Variants in KIAA0825 observed in about 807,000 individuals in gnomAD.
KIAA0825 encodes the protein KIAA0825.
In KIAA0825, 119 loss-of-function variants were observed where a neutral mutation model predicts 147.6. That is an observed-to-expected ratio of 0.81 (90% CI 0.69 to 0.94). The LOEUF (loss-of-function observed/expected upper bound fraction) is 0.94, where lower values mean the gene tolerates loss of function less well. KIAA0825 is among the 40% of genes least tolerant of loss of function. KIAA0825 has a pLI of 0.00. For missense variants in KIAA0825, 1,381 were observed against 1,472.7 expected, an observed-to-expected ratio of 0.94 and a Z score of 1.02; for synonymous variants, 470 against 518.1, an observed-to-expected ratio of 0.91 and a Z score of 1.26.
intron 20 of KIAA0825, among the ~76,000 whole-genome samples, chr5:94,186,797 G>A (rs944352232): frequency 1.3e-5 from 2 of 152,180 alleles, no homozygotes; most frequent in African/African-American, 4.8e-5. Context: ...GTGTTGTGAG[G>A]GAAGTAGGAG....
intron 2 of KIAA0825, among the ~76,000 whole-genome samples, chr5:94,565,036 C>CCTCT (rs374763420): frequency 5.5e-5 from 6 of 110,040 alleles, no homozygotes; most frequent in Non-Finnish European, 9.0e-5. Context: ...CTCTTTCTTT[C>CCTCT]CTCTCTCTCT....
In KIAA0825 at chr5:94,291,865, T is replaced by C. The variant is rs1322088400; in HGVS notation, c.3710+92503A>G. Among the ~76,000 whole-genome samples the C allele has an allele frequency of 2.6e-5, 4 of 152,292 alleles. No homozygotes were observed. The East Asian group carries it at 7.7e-4, about 29-fold the overall frequency. ...TATTTTCCTAGCTATTTTGTTCTTT[T>C]TGTAGCAGTTGTGAATGGGAGTTCA... On this transcript the variant is annotated intron_variant, in intron 20 of 20. Coordinates refer to ENST00000682413, the MANE Select transcript of KIAA0825 (RefSeq NM_001145678.3).
chr5:94,310,734 G>T (rs1779094085), intron 20 of KIAA0825, among the ~76,000 whole-genome samples: 1 of 151,614 alleles, frequency 6.6e-6, no homozygotes, highest in Non-Finnish European at 1.5e-5. Flanking sequence ...AATAAGCAGT[G>T]CATATGAACT....
At chr5:94,338,885 G>A (rs1782074447) in intron 20 of KIAA0825, among the ~76,000 whole-genome samples, 1 of 151,976 alleles carries the variant, frequency 6.6e-6, no homozygotes, top group Non-Finnish European at 1.5e-5. Flanking sequence ...TATGAAATAG[G>A]AAAGTCCTTT....
intron 20 of KIAA0825, among the ~76,000 whole-genome samples, chr5:94,161,217 A>C (rs1288770328): frequency 6.6e-6 from 1 of 152,224 alleles, no homozygotes; most frequent in East Asian, 1.9e-4. Context: ...TCAAACCAGC[A>C]ATGACTGCCC....
chr5:94,238,395 A>G (rs1372970040), intron 20 of KIAA0825, among the ~76,000 whole-genome samples: 1 of 152,178 alleles, frequency 6.6e-6, no homozygotes, highest in Non-Finnish European at 1.5e-5. Context: ...TATACATCTG[A>G]GCTTTCAGAA....
At chr5:94,614,705 GAA>G (rs552707906) in intron 1 of KIAA0825, among the ~76,000 whole-genome samples, 4 of 145,430 alleles carry the variant, frequency 2.8e-5, no homozygotes, top group African/African-American at 1.0e-4. Context: ...TGCCCTCCTG[GAA>G]AAAAAAAAAT....
chr5:94,370,230 A>G (rs967732823), intron 20 of KIAA0825, among the ~76,000 whole-genome samples: 1 of 152,186 alleles, frequency 6.6e-6, no homozygotes, highest in Non-Finnish European at 1.5e-5. Flanking sequence ...GGACAAAATT[A>G]TAGGGATAGA....
intron 1 of KIAA0825, among the ~76,000 whole-genome samples, chr5:94,604,625 T>G (rs1264581184): frequency 1.3e-5 from 2 of 152,106 alleles, no homozygotes; most frequent in African/African-American, 4.8e-5. Context: ...ACATGGAAAT[T>G]GAGTAACATG....
Position 94,386,265 on chromosome 5 carries a change from C to CT in KIAA0825, c.3595dup (p.Ser1199LysfsTer2), listed in dbSNP as rs1244060998. On this transcript the variant is annotated frameshift_variant, in exon 19 of 21. Transcript: ENST00000682413. LOFTEE classifies it high-confidence loss of function. ...ACATACCTGATCTAGCATGTTTTCA[C>CT]TAAACGCCTTATACACATGGAAAGG... 1 of 1,549,986 alleles carries CT rather than the reference C, an allele frequency of 6.5e-7. No individual in the cohort carries two copies. The highest frequency in any genetic ancestry group is 2.0e-5 in the Admixed American group (1 of 50,546).
chr5:94,309,653 G>C (rs1289446959), intron 20 of KIAA0825, among the ~76,000 whole-genome samples: 3 of 151,686 alleles, frequency 2.0e-5, no homozygotes, highest in African/African-American at 7.3e-5. Flanking sequence ...TTCAGGCATA[G>C]GATACGACAG....
At chr5:94,386,196 G>C in intron 19 of KIAA0825, 46 bp downstream of exon 19, 1 of 1,497,656 alleles carries the variant, frequency 6.7e-7, no homozygotes, top group South Asian at 1.3e-5. Context: ...TCTTACTTGG[G>C]TAAAGAAACC....
In KIAA0825 at chr5:94,286,466, T is replaced by G. The variant is rs1777667913; in HGVS notation, c.3710+97902A>C. On this transcript the variant is annotated intron_variant, in intron 20 of 20. Coordinates refer to ENST00000682413, the MANE Select transcript of KIAA0825 (RefSeq NM_001145678.3). Reference sequence around the variant, plus strand: ...TGTAGGTTCTCTGACAACAGGGACCTGTCCTACTTATCTCTATATCCTTTA... The same window carrying G: ...TGTAGGTTCTCTGACAACAGGGACCGGTCCTACTTATCTCTATATCCTTTA... 2.6e-5 allele frequency among the ~76,000 whole-genome samples: 4 copies of G among 152,190 alleles called. No homozygotes were observed. In the South Asian group the frequency reaches 8.3e-4, roughly 31 times the overall value.
intron 20 of KIAA0825, among the ~76,000 whole-genome samples, chr5:94,351,064 C>G (rs552428985): frequency 6.6e-6 from 1 of 151,978 alleles, no homozygotes; most frequent in South Asian, 2.1e-4. Context: ...GAAGTCCTAG[C>G]CAGAGCAATC....
intron 5 of KIAA0825, among the ~76,000 whole-genome samples, chr5:94,514,888 G>C (rs1766987815): frequency 6.6e-6 from 1 of 151,970 alleles, no homozygotes. Flanking sequence ...TTAAACAAAA[G>C]AACAAGGGAC....
At chr5:94,268,656 G>T (rs1158500196) in intron 20 of KIAA0825, among the ~76,000 whole-genome samples, 1 of 152,122 alleles carries the variant, frequency 6.6e-6, no homozygotes, top group Admixed American at 6.6e-5. Context: ...AAGGATTACT[G>T]GTCATGCTCT....
intron 15 of KIAA0825, chr5:94,413,835 TGGTGACAAAAGGCTCA>T (rs1753078971): frequency 6.6e-6 from 1 of 152,218 alleles, no homozygotes; most frequent in African/African-American, 2.4e-5. Flanking sequence ...GCAAACAAAC[TGGTGACAAAAGGCTCA>T]GAATACATGA....
At chr5:94,505,977 C>T (rs1268067580) in intron 5 of KIAA0825, among the ~76,000 whole-genome samples, 2 of 152,190 alleles carry the variant, frequency 1.3e-5, no homozygotes, top group East Asian at 3.8e-4. Context: ...TAGCTATCAG[C>T]AATCAATCTA....
intron 4 of KIAA0825, among the ~76,000 whole-genome samples, chr5:94,522,528 A>T (rs531839639): frequency 9.2e-4 from 140 of 151,786 alleles, no homozygotes; most frequent in African/African-American, 3.3e-3. Flanking sequence ...AATTTTGAAA[A>T]TAACTTCAGT....
Sources: allele counts gnomAD v4.1 joint callset (sites outside exome capture counted in the v4.1 genomes callset), GRCh38; gene constraint gnomAD v4.1.1; transcripts MANE v1.5; gene names NCBI Gene and HGNC (gene_info 2026-07-23, HGNC 2026-07-21).